The following ABCC8 variants were observed in gnomAD, a reference collection of about 807,000 sequenced individuals.
ABCC8 encodes the protein ATP binding cassette subfamily C member 8.
A neutral mutation model predicts 188.0 loss-of-function variants in ABCC8; 137 were observed. That is an observed-to-expected ratio of 0.73 (90% CI 0.63 to 0.84). The LOEUF (loss-of-function observed/expected upper bound fraction) is 0.84, where lower values mean the gene tolerates loss of function less well. ABCC8 is among the 40% of genes least tolerant of loss of function. The probability of loss-of-function intolerance (pLI) is 0.00; values close to 1 mark genes in which losing one functional copy is unlikely to be tolerated. For missense variants in ABCC8, 1,750 were observed against 2,072.7 expected (o/e 0.84, Z 3.02); for synonymous variants, 797 against 846.5 (o/e 0.94, Z 1.01).
At chr11:17,406,240 G>C (rs1316056499) in intron 26 of ABCC8, among the ~76,000 whole-genome samples, 2 of 152,196 alleles carry the variant, frequency 1.3e-5, no homozygotes, top group Non-Finnish European at 2.9e-5. Flanking sequence ...TGTTCCCCCA[G>C]TGTCAAAACC....
At chr11:17,413,327 A>G in intron 20 of ABCC8, 67 bp downstream of exon 20, 1 of 1,584,760 alleles carries the variant, frequency 6.3e-7, no homozygotes, top group Non-Finnish European at 8.7e-7. Context: ...TGTCCTGAGT[A>G]GTGTCTCAGG....
At chr11:17,448,090 T>C in intron 8 of ABCC8, 1 of 192,166 alleles carries the variant, frequency 5.2e-6, no homozygotes, top group Non-Finnish European at 1.1e-5. Flanking sequence ...CTGTGGGCAT[T>C]CCATGTACGA....
Position 17,404,954 on chromosome 11 carries a change from G to T in ABCC8, c.3400-285C>A, listed in dbSNP as rs2133440244. 6.6e-6 allele frequency among the ~76,000 whole-genome samples: 1 copy of T among 152,174 alleles called. No homozygotes were observed. The highest frequency in any genetic ancestry group is 2.4e-5 in the African/African-American group (1 of 41,518). The stretch of plus-strand genomic sequence containing the variant: ...TTTTTGTATTTTTAATAGAGAAGGG[G>T]TTTCATCATGTTGGCCATCAGGCTG... On this transcript the variant is annotated intron_variant, in intron 27 of 38. Transcript: ENST00000389817. This position sits in a 1 kb window ranked among gnomAD's most constrained non-coding sequence, Gnocchi z 4.7.
Position 17,430,921 on chromosome 11 carries a change from G to A in ABCC8, c.1710C>T (p.Asp570=), listed in dbSNP as rs1325988300. 6.2e-7 allele frequency: 1 copy of A among 1,613,956 alleles called. No individual in the cohort carries two copies. The highest frequency in any genetic ancestry group is 8.5e-7 in the Non-Finnish European group (1 of 1,179,872). The part of the protein sequence containing the change: ...VGHVSFFKEA[D]FSPSVAFASL... ...AGGCAAAGGCCACGGAGGGCGAGAA[G>A]TCGGCCTCTTTGAAGAAGCTGACGT... The change falls in exon 12 of 39, where the codon GAC becomes GAT. Residue 570 remains aspartate (D), a synonymous_variant. Coordinates refer to ENST00000389817, the MANE Select transcript of ABCC8 (RefSeq NM_000352.6).
chr11:17,402,581 C>T (rs1288454928), intron 29 of ABCC8, 80 bp downstream of exon 29: 1 of 1,613,236 alleles, frequency 6.2e-7, no homozygotes, highest in African/African-American at 1.3e-5. Flanking sequence ...AAGTGGAGTC[C>T]TGAGAATCAA....
chr11:17,400,284 C>A (rs959647299), intron 29 of ABCC8, among the ~76,000 whole-genome samples: 11 of 152,096 alleles, frequency 7.2e-5, no homozygotes, highest in Admixed American at 3.3e-4. Context: ...TGAAACCATG[C>A]CTGAAGGGTA....
chr11:17,448,770 A>C, intron 7 of ABCC8, 99 bp from the exon 8 acceptor site: 1 of 1,601,068 alleles, frequency 6.2e-7, no homozygotes, highest in South Asian at 1.1e-5. Context: ...CTTCTCAGAC[A>C]GTCCCCATGG....
intron 3 of ABCC8, among the ~76,000 whole-genome samples, chr11:17,469,517 G>T (rs755170862): frequency 6.6e-6 from 1 of 151,934 alleles, no homozygotes; most frequent in Non-Finnish European, 1.5e-5. Context: ...TCTCAAACTC[G>T]ATATGCCCCC....
chr11:17,464,417 A>G (rs1848020155), intron 3 of ABCC8, among the ~76,000 whole-genome samples: 1 of 152,208 alleles, frequency 6.6e-6, no homozygotes, highest in Non-Finnish European at 1.5e-5. Context: ...GCAGCCAGAT[A>G]CACCTGGGCT....
At chr11:17,460,818 A>C in intron 5 of ABCC8, 142 bp from the exon 6 acceptor site, 1 of 1,496,556 alleles carries the variant, frequency 6.7e-7, no homozygotes, top group Non-Finnish European at 8.9e-7. Flanking sequence ...CTCCAGGAAG[A>C]GATCATGGAA....
In ABCC8 at chr11:17,428,380, C is replaced by T. The variant is rs775415714; in HGVS notation, c.1949G>A (p.Arg650His). The T allele has an allele frequency of 9.3e-6, 15 of 1,613,906 alleles. No homozygotes were observed. Among genetic ancestry groups the T allele is most frequent in the South Asian group, 5.5e-5 (5 of 91,074 alleles). The stretch of plus-strand genomic sequence containing the variant: ...GCCCCGACAATCCTCCCGGGCTGGA[C>T]GCTTGCGGTTCACAACCCTGAGGGG... ...AVPLRVVNRK[R>H]PAREDCRGLT... Residue 650 changes from arginine (R) to histidine (H), a missense_variant, in exon 14 of 39, where the codon CGT becomes CAT. Transcript: ENST00000389817.
At chr11:17,392,791 C>T (rs1346236939), downstream of ABCC8, 3 of 656,648 alleles carry the variant, frequency 4.6e-6, no homozygotes, top group South Asian at 3.5e-5. Context: ...CAGGCTTTTG[C>T]TCACACAGCT....
intron 30 of ABCC8, 117 bp downstream of exon 30, chr11:17,398,222 G>T: frequency 2.2e-6 from 3 of 1,354,746 alleles, no homozygotes; most frequent in Non-Finnish European, 3.1e-6. Flanking sequence ...AAGCAGGAAG[G>T]CTTGGTGTCC....
intron 3 of ABCC8, among the ~76,000 whole-genome samples, chr11:17,468,959 C>T (rs952199438): frequency 2.0e-5 from 3 of 152,248 alleles, no homozygotes; most frequent in African/African-American, 4.8e-5. Context: ...CTTCCCGAGT[C>T]TCTCTAAATG....
chr11:17,419,189 C>T (rs1955220668), intron 16 of ABCC8, among the ~76,000 whole-genome samples: 2 of 152,228 alleles, frequency 1.3e-5, no homozygotes, highest in African/African-American at 4.8e-5. Context: ...CTGGCAGGCA[C>T]CATCTCTCAC....
chr11:17,396,390 G>A (rs1026217325), intron 33 of ABCC8: 1 of 319,188 alleles, frequency 3.1e-6, no homozygotes, highest in Non-Finnish European at 6.1e-6. Context: ...GACAGATAGT[G>A]ACATAGAAGG....
rs200276273 is a variant in ABCC8, at chr11:17,405,449, G to T, written c.3399+45C>A. 0.011 allele frequency: 18,454 copies of T among 1,613,528 alleles called. 145 individuals carry two copies. Among genetic ancestry groups the T allele is most frequent in the Non-Finnish European group, 0.013 (15,273 of 1,179,650 alleles). On this transcript the variant is annotated intron_variant, in intron 27 of 38. Coordinates refer to ENST00000389817, the MANE Select transcript of ABCC8 (RefSeq NM_000352.6). ...AGACAGGAGAAGCCCCCAGGGGTCC[G>T]AGGTGTCTCTGGAAGGGGGGATAGT...
In ABCC8 at chr11:17,395,331, C is replaced by G. The variant is rs739690; in HGVS notation, c.4308-56G>C. 2.0e-3 allele frequency: 3,138 copies of G among 1,551,726 alleles called. 54 individuals carry two copies. The African/African-American group carries it at 0.038, about 19-fold the overall frequency. On this transcript the variant is annotated intron_variant, in intron 35 of 38. Transcript: ENST00000389817. Reference sequence around the variant, plus strand: ...AGGGAGCAGGGTCCTGCCTGCATCCCCAGGCGGCAAAGAGGGCAGTGAGCG... The same window carrying G: ...AGGGAGCAGGGTCCTGCCTGCATCCGCAGGCGGCAAAGAGGGCAGTGAGCG...
chr11:17,410,491 G>T (rs1304389670), intron 22 of ABCC8, 25 bp downstream of exon 22: 2 of 1,613,530 alleles, frequency 1.2e-6, no homozygotes, highest in East Asian at 4.5e-5. Context: ...GCCCCCTATA[G>T]CCTGACCCCC....
Sources: gnomAD v4.1 joint callset for allele counts (sites outside exome capture counted in the v4.1 genomes callset) on GRCh38, gnomAD v4.1.1 for gene constraint, Gnocchi (gnomAD v3.1) non-coding constraint, MANE v1.5 for transcripts, NCBI Gene and HGNC (gene_info 2026-07-23, HGNC 2026-07-21) for gene names.